The following ACACA variants were observed in gnomAD, a reference collection of about 807,000 sequenced individuals.
ACACA encodes the protein acetyl-CoA carboxylase alpha.
In ACACA, 103 loss-of-function variants were observed where a neutral mutation model predicts 296.1. That is an observed-to-expected ratio of 0.35 (90% CI 0.30 to 0.41). The LOEUF (loss-of-function observed/expected upper bound fraction) is 0.41. ACACA is among the 10% of genes least tolerant of loss of function. ACACA has a pLI of 1.00. For synonymous variants in ACACA, 953 were observed against 1,038.6 expected, an observed-to-expected ratio of 0.92 and a Z score of 1.58; for missense variants, 1,554 against 2,989.7, an observed-to-expected ratio of 0.52 and a Z score of 11.20.
At chr17:37,401,544 G>T (rs1358173909) in intron 1 of ACACA, among the ~76,000 whole-genome samples, 1 of 142,366 alleles carries the variant, frequency 7.0e-6, no homozygotes, top group Non-Finnish European at 1.5e-5. Context: ...CTCCCATTCC[G>T]TAGGTTGTCT....
At chr17:37,289,063 G>C (rs879210317) in intron 3 of ACACA, among the ~76,000 whole-genome samples, 1 of 152,016 alleles carries the variant, frequency 6.6e-6, no homozygotes, top group South Asian at 2.1e-4. Context: ...AGGAGTTCGA[G>C]ACCAGCCTAA....
At chr17:37,241,778 A>G (rs768715797) in intron 23 of ACACA, among the ~76,000 whole-genome samples, 175 bp downstream of exon 23, 5 of 152,220 alleles carry the variant, frequency 3.3e-5, no homozygotes, top group Non-Finnish European at 7.4e-5. Flanking sequence ...AATATTGAGC[A>G]TGAGAGTTAG....
In ACACA at chr17:37,201,501, T is replaced by C. The variant is rs1296294781; in HGVS notation, c.4057-1018A>G. Among the ~76,000 whole-genome samples the C allele has an allele frequency of 2.7e-5, 4 of 150,878 alleles. No homozygotes were observed. The East Asian group carries it at 7.7e-4, about 29-fold the overall frequency. On this transcript the variant is annotated intron_variant, in intron 33 of 55. Coordinates refer to ENST00000616317, the MANE Select transcript of ACACA (RefSeq NM_198834.3). ...GCCACTTATACGAGTCTTGGGCATC[T>C]GGACCTAAAGCCTTCCTCTTCCCTA... is the stretch of plus-strand genomic sequence containing the variant.
chr17:37,143,541 A>G, intron 45 of ACACA: 1 of 502,474 alleles, frequency 2.0e-6, no homozygotes, highest in South Asian at 2.0e-5. Context: ...TGTGTTAACT[A>G]TACAAAAGAA....
intron 1 of ACACA, chr17:37,386,183 C>G: frequency 4.4e-6 from 5 of 1,146,978 alleles, no homozygotes; most frequent in Non-Finnish European, 6.2e-6. Flanking sequence ...AAAATGGGAA[C>G]AGAAAAGAAA....
intron 1 of ACACA, among the ~76,000 whole-genome samples, chr17:37,385,006 A>G (rs1300334103): frequency 6.6e-6 from 1 of 152,194 alleles, no homozygotes; most frequent in Non-Finnish European, 1.5e-5. Flanking sequence ...GAGACGAGTG[A>G]GGTTATTTCC....
chr17:37,361,534 A>T (rs1218844228), intron 1 of ACACA, among the ~76,000 whole-genome samples: 1 of 152,222 alleles, frequency 6.6e-6, no homozygotes, highest in Non-Finnish European at 1.5e-5. Flanking sequence ...TACAGTGAAA[A>T]AAAAAGTAAT....
chr17:37,387,728 G>A (rs1449290971), intron 1 of ACACA: 1 of 152,208 alleles, frequency 6.6e-6, no homozygotes, highest in Non-Finnish European at 1.5e-5. Flanking sequence ...TTACAGGCAT[G>A]AGCCACCGCA....
chr17:37,088,165 A>C (rs147979229), intron 55 of ACACA, among the ~76,000 whole-genome samples: 1 of 152,328 alleles, frequency 6.6e-6, no homozygotes, highest in Non-Finnish European at 1.5e-5. Context: ...AAAATGAGCA[A>C]TGTTCTACAG....
At chr17:37,217,894 C>T (rs2079101400) in intron 29 of ACACA, among the ~76,000 whole-genome samples, 1 of 151,716 alleles carries the variant, frequency 6.6e-6, no homozygotes, top group South Asian at 2.1e-4. Flanking sequence ...GACAAGACCC[C>T]ATCTCTATGG....
At chr17:37,249,189 T>C (rs2080863325) in intron 16 of ACACA, among the ~76,000 whole-genome samples, 1 of 152,222 alleles carries the variant, frequency 6.6e-6, no homozygotes, top group Non-Finnish European at 1.5e-5. Context: ...GTGTCAGAAT[T>C]TCCTTCTTCT....
chr17:37,286,655 C>T (rs1202728987), intron 3 of ACACA, among the ~76,000 whole-genome samples: 1 of 152,166 alleles, frequency 6.6e-6, no homozygotes, highest in Non-Finnish European at 1.5e-5. Context: ...GGTGAAAAGC[C>T]ATAGAGGTAC....
intron 52 of ACACA, among the ~76,000 whole-genome samples, chr17:37,104,675 G>A (rs1221019012): frequency 6.6e-6 from 1 of 152,138 alleles, no homozygotes; most frequent in Non-Finnish European, 1.5e-5. Context: ...GACACGGTGG[G>A]TCATGCCTGT....
intron 41 of ACACA, among the ~76,000 whole-genome samples, chr17:37,174,020 A>ATATATATAT (rs552735515): frequency 2.4e-4 from 4 of 16,794 alleles, no homozygotes; most frequent in Admixed American, 1.3e-3. Flanking sequence ...ATATATATAT[A>ATATATATAT]TTTTTTTTTT....
At chr17:37,351,530 TTAAG>T (rs1385699251) in intron 1 of ACACA, among the ~76,000 whole-genome samples, 1 of 152,186 alleles carries the variant, frequency 6.6e-6, no homozygotes, top group Admixed American at 6.5e-5. Context: ...ACTGAAGATT[TTAAG>T]TAAGTTTAAT....
intron 5 of ACACA, among the ~76,000 whole-genome samples, chr17:37,281,163 C>A (rs975771238): frequency 6.6e-6 from 1 of 151,194 alleles, no homozygotes; most frequent in Non-Finnish European, 1.5e-5. Flanking sequence ...TGGGTTCATG[C>A]GATTCTCCTG....
At chr17:37,181,900 C>CAAAAAAAAAAAAAAAAA (rs61045031) in intron 39 of ACACA, among the ~76,000 whole-genome samples, 1 of 22,236 alleles carries the variant, frequency 4.5e-5, no homozygotes, top group Non-Finnish European at 9.4e-5. Context: ...ACTCTGTATC[C>CAAAAAAAAAAAAAAAAA]AAAAAAAAAA....
At chr17:37,122,734 C>T (rs980291291) in intron 48 of ACACA, 107 bp from the exon 49 acceptor site, 1 of 889,826 alleles carries the variant, frequency 1.1e-6, no homozygotes, top group African/African-American at 1.6e-5. Context: ...TAGAAACAAA[C>T]ACAGAGAGCA....
chr17:37,211,678 T>G (rs868418823), intron 29 of ACACA, among the ~76,000 whole-genome samples: 1 of 152,164 alleles, frequency 6.6e-6, no homozygotes, highest in African/African-American at 2.4e-5. Context: ...CGATGCACTT[T>G]CCATGGCAGT....
Sources: gnomAD v4.1 joint callset for allele counts (sites outside exome capture counted in the v4.1 genomes callset) on GRCh38, gnomAD v4.1.1 for gene constraint, MANE v1.5 for transcripts, NCBI Gene and HGNC (gene_info 2026-07-23, HGNC 2026-07-21) for gene names.